The following PACRG variants were observed in gnomAD, a reference collection of about 807,000 sequenced individuals.
PACRG encodes parkin coregulated gene protein.
A neutral mutation model predicts 29.7 loss-of-function variants in PACRG; 29 were observed. The ratio of observed to expected loss-of-function variants is 0.98; its 90% CI spans 0.73 to 1.33. The LOEUF (loss-of-function observed/expected upper bound fraction) is 1.33. Among genes scored for constraint, PACRG ranks in the 40% most tolerant of loss-of-function variants. The probability of loss-of-function intolerance (pLI) is 0.00; values close to 1 mark genes in which losing one functional copy is unlikely to be tolerated. For synonymous variants in PACRG, 116 were observed against 118.7 expected, an observed-to-expected ratio of 0.98 and a Z score of 0.15; for missense variants, 279 against 316.2, an observed-to-expected ratio of 0.88 and a Z score of 0.89.
chr6:162,850,334 A>G (rs574948503), intron 2 of PACRG, among the ~76,000 whole-genome samples: 3 of 152,326 alleles, frequency 2.0e-5, no homozygotes, highest in African/African-American at 7.2e-5. Flanking sequence ...TCTTCAGCCC[A>G]TTTCCTGGCA....
At chr6:163,121,864 A>G (rs148053296) in intron 4 of PACRG, among the ~76,000 whole-genome samples, 3,571 of 151,836 alleles carry the variant, frequency 0.024, 153 homozygotes, top group African/African-American at 0.082. Context: ...GGGTTTCACC[A>G]TGTTAGCCAG....
chr6:162,962,819 C>A (rs1325382994), intron 2 of PACRG, among the ~76,000 whole-genome samples: 1 of 152,162 alleles, frequency 6.6e-6, no homozygotes, highest in Non-Finnish European at 1.5e-5. Context: ...GGTTGGAAGA[C>A]AATGGATAGT....
chr6:163,165,820 AG>A (rs1778777116), intron 4 of PACRG: 2 of 276,232 alleles, frequency 7.2e-6, no homozygotes, highest in Non-Finnish European at 1.4e-5. Context: ...GGCCCAGGCG[AG>A]GGGACCAGGG....
intron 1 of PACRG, among the ~76,000 whole-genome samples, chr6:162,787,301 A>G (rs962406178): frequency 6.6e-6 from 1 of 151,962 alleles, no homozygotes; most frequent in Non-Finnish European, 1.5e-5. Context: ...TGTGTCAGCA[A>G]GTATTTTAGA....
intron 2 of PACRG, among the ~76,000 whole-genome samples, chr6:162,980,549 A>G (rs1802328121): frequency 6.6e-6 from 1 of 152,166 alleles, no homozygotes; most frequent in Non-Finnish European, 1.5e-5. Context: ...TTTTTTGCTT[A>G]GAATTTCCAA....
chr6:162,747,748 A>G (rs1037584093), intron 1 of PACRG, among the ~76,000 whole-genome samples: 3 of 151,864 alleles, frequency 2.0e-5, no homozygotes, highest in Non-Finnish European at 4.4e-5. Flanking sequence ...CACATAGACA[A>G]TAATTTTACT....
chr6:163,082,827 G>T (rs1346250127), intron 3 of PACRG, among the ~76,000 whole-genome samples: 1 of 152,062 alleles, frequency 6.6e-6, no homozygotes, highest in Non-Finnish European at 1.5e-5. Context: ...ACAATTTGTT[G>T]TTCTTGGAAC....
chr6:162,733,517 T>C (rs1779932591), intron 1 of PACRG, among the ~76,000 whole-genome samples: 1 of 152,190 alleles, frequency 6.6e-6, no homozygotes, highest in Non-Finnish European at 1.5e-5. Context: ...TCTCTAATTG[T>C]GGAGCCCAGA....
intron 2 of PACRG, among the ~76,000 whole-genome samples, chr6:163,019,404 T>G (rs562537496): frequency 5.8e-4 from 89 of 152,308 alleles, no homozygotes; most frequent in African/African-American, 2.1e-3. Flanking sequence ...TTCTCTTTCT[T>G]TTACTCCTCT....
intron 4 of PACRG, among the ~76,000 whole-genome samples, chr6:163,163,090 G>A (rs1267839634): frequency 6.6e-6 from 1 of 152,180 alleles, no homozygotes; most frequent in African/African-American, 2.4e-5. Context: ...AGCTGGGAGG[G>A]ACTGCAGGAA....
intron 2 of PACRG, among the ~76,000 whole-genome samples, chr6:162,879,888 T>C (rs971910200): frequency 6.6e-6 from 1 of 152,214 alleles, no homozygotes; most frequent in Non-Finnish European, 1.5e-5. Context: ...TTTCCTGATA[T>C]ATCTACAAAA....
In PACRG at chr6:163,070,298, A is replaced by G. The variant is rs570189355; in HGVS notation, c.463+7977A>G. 1.8e-3 allele frequency among the ~76,000 whole-genome samples: 269 copies of G among 152,206 alleles called. 1 individual carries two copies. The highest frequency in any genetic ancestry group is 6.0e-3 in the African/African-American group (250 of 41,568). ...ACTGTTATTGTGGTGTACAAACTAC[A>G]CTTAAGTAGAAACACTAAATGATGA... is the stretch of plus-strand genomic sequence containing the variant. On this transcript the variant is annotated intron_variant, in intron 3 of 4. Transcript: ENST00000366888.
At chr6:163,043,439 C>A (rs1808959837) in intron 2 of PACRG, among the ~76,000 whole-genome samples, 1 of 152,058 alleles carries the variant, frequency 6.6e-6, no homozygotes, top group Admixed American at 6.6e-5. Flanking sequence ...CTGTAGTCAA[C>A]TACTTGGGGG....
In PACRG at chr6:162,993,046, C is replaced by T. The variant is rs887126963; in HGVS notation, c.292-69104C>T. Among the ~76,000 whole-genome samples, 519 of 142,232 alleles carry T rather than the reference C, an allele frequency of 3.6e-3. 2 individuals carry two copies. Among genetic ancestry groups the T allele is most frequent in the African/African-American group, 0.013 (493 of 38,060 alleles). The allele number at this position is 142,232 out of a possible 152,430, so 93.3% of individuals were successfully genotyped here. A position where few individuals can be genotyped will look rare whatever the true frequency, so the allele number is the denominator to read the frequency against. On this transcript the variant is annotated intron_variant, in intron 2 of 4. Coordinates refer to ENST00000366888, the MANE Select transcript of PACRG (RefSeq NM_001080379.2). Reference sequence around the variant, plus strand: ...GTTGTTCAGTTTCCATGTAGTTGAGCGGCTTTGAGTGAGATTCTTAATCCT... The same window carrying T: ...GTTGTTCAGTTTCCATGTAGTTGAGTGGCTTTGAGTGAGATTCTTAATCCT...
chr6:163,215,124 T>A (rs1781311502), intron 4 of PACRG, among the ~76,000 whole-genome samples: 1 of 152,218 alleles, frequency 6.6e-6, no homozygotes, highest in African/African-American at 2.4e-5. Flanking sequence ...GGCATTTTTT[T>A]TTTGTGCAAT....
chr6:163,115,200 A>G (rs939416909), intron 4 of PACRG, among the ~76,000 whole-genome samples: 1 of 152,182 alleles, frequency 6.6e-6, no homozygotes, highest in African/African-American at 2.4e-5. Context: ...TTCCAGAGAC[A>G]CATGAATAAA....
In PACRG at chr6:163,315,124, G is replaced by A. The variant is rs1281754255; in HGVS notation, c.*137G>A. 2 of 1,006,460 alleles carry A rather than the reference G, an allele frequency of 2.0e-6. No homozygotes were observed. The highest frequency in any genetic ancestry group is 2.9e-6 in the Non-Finnish European group (2 of 691,472). The allele number at this position is 1,006,460 out of a possible 1,614,324, so 62.3% of individuals were successfully genotyped here. On this transcript the variant is annotated 3_prime_UTR_variant, in exon 5 of 5. Transcript: ENST00000366888. ...CTAAAATAGTGGCTTATGGGCCATT[G>A]GACTGTTAGCCCTATTGAGAGCAAG...
chr6:162,899,863 A>T (rs1167738387), intron 2 of PACRG, among the ~76,000 whole-genome samples: 1 of 152,174 alleles, frequency 6.6e-6, no homozygotes. Context: ...AGGAGAGGAA[A>T]CTGAAGCTGG....
intron 2 of PACRG, among the ~76,000 whole-genome samples, chr6:162,941,059 T>A (rs892944291): frequency 8.6e-5 from 13 of 151,594 alleles, no homozygotes; most frequent in Non-Finnish European, 1.9e-4. Flanking sequence ...TGTGTGTGTG[T>A]GTGTGTGTTT....
Sources: allele counts gnomAD v4.1 joint callset (sites outside exome capture counted in the v4.1 genomes callset), GRCh38; gene constraint gnomAD v4.1.1; transcripts MANE v1.5; gene names NCBI Gene and HGNC (gene_info 2026-07-23, HGNC 2026-07-21).